PMPCB: variants seen among roughly 807,000 people sequenced by gnomAD.
PMPCB encodes peptidase, mitochondrial processing subunit beta.
Under a neutral mutation model 61.5 loss-of-function variants are expected in PMPCB, and 46 were observed. That is an observed-to-expected ratio of 0.75 (90% CI 0.59 to 0.96). The LOEUF is 0.96. PMPCB is among the 40% of genes least tolerant of loss of function. The probability of loss-of-function intolerance (pLI) is 0.00; values close to 1 mark genes in which losing one functional copy is unlikely to be tolerated. For missense variants in PMPCB, 590 were observed against 602.4 expected, an observed-to-expected ratio of 0.98 and a Z score of 0.22; for synonymous variants, 191 against 201.6, an observed-to-expected ratio of 0.95 and a Z score of 0.44.
At chr7:103,319,653 T>A, downstream of PMPCB, 1 of 1,614,032 alleles carries the variant, frequency 6.2e-7, no homozygotes, top group South Asian at 1.1e-5. Context: ...GTGCATGATG[T>A]GAGTGTTTCA....
chr7:103,312,869 A>T lies in PMPCB; in HGVS notation c.*598A>T. 3 of 1,550,600 alleles carry T rather than the reference A, an allele frequency of 1.9e-6. No individual in the cohort carries two copies. In the Admixed American group the frequency reaches 6.3e-5, roughly 32 times the overall value. ...ATAAGCACTATATTATTAACCACTT[A>T]ATAGACATAAAATATGAGCTATATC... On this transcript the variant is annotated 3_prime_UTR_variant, in exon 13 of 13. Transcript: ENST00000249269.
chr7:103,299,648 C>G, intron 3 of PMPCB, 119 bp downstream of exon 3: 1 of 579,754 alleles, frequency 1.7e-6, no homozygotes, highest in Non-Finnish European at 3.0e-6. Flanking sequence ...GTTTATTTTT[C>G]CAGGACAGTA....
At chr7:103,301,069 T>TA (rs1279481452) in intron 4 of PMPCB, among the ~76,000 whole-genome samples, 1 of 152,254 alleles carries the variant, frequency 6.6e-6, no homozygotes, top group Non-Finnish European at 1.5e-5. Flanking sequence ...CTTTCATTAA[T>TA]AATGTTTAAA....
At chr7:103,304,167 T>C in intron 5 of PMPCB, 127 bp downstream of exon 5, 2 of 774,096 alleles carry the variant, frequency 2.6e-6, no homozygotes, top group Non-Finnish European at 4.2e-6. Context: ...GAAACTGTAG[T>C]TAGCTACATT....
At chr7:103,299,673 T>C (rs1385744445) in intron 3 of PMPCB, 144 bp downstream of exon 3, 4 of 536,744 alleles carry the variant, frequency 7.5e-6, no homozygotes, top group Non-Finnish European at 1.3e-5. Flanking sequence ...AAATAAGTAG[T>C]GATAATTGCT....
chr7:103,317,187 T>G (rs1006960398), downstream of PMPCB: 1 of 596,020 alleles, frequency 1.7e-6, no homozygotes, highest in Non-Finnish European at 2.9e-6. Flanking sequence ...TGGCTTCCAG[T>G]CTGCATAGGT....
chr7:103,311,785 A>G, intron 10 of PMPCB, 23 bp from the exon 11 acceptor site: 1 of 1,602,728 alleles, frequency 6.2e-7, no homozygotes. Context: ...TCCAATAGTT[A>G]ATTTTTCCTT....
rs1335177880 is a variant in PMPCB at position 103,306,174 on chromosome 7, A to AT, written c.737-1421dup. On this transcript the variant is annotated intron_variant, in intron 6 of 12. Transcript: ENST00000249269. ...TCTTCTAGGCTAATCATCAGGATGT[A>AT]TAGCTTTTATTTGCCAAATAGTTTT... Among the ~76,000 whole-genome samples the AT allele has an allele frequency of 2.6e-5, 4 of 152,268 alleles. No individual in the cohort carries two copies. The East Asian group carries it at 7.7e-4, about 29-fold the overall frequency.
chr7:103,334,606 A>AT, the PMPCB span, among the ~76,000 whole-genome samples: 258 of 151,144 alleles, frequency 1.7e-3, no homozygotes, highest in Non-Finnish European at 3.0e-3. Context: ...TTGAAAAAAA[A>AT]TTTTTTTAAT....
chr7:103,312,621 G>C lies in PMPCB; in HGVS notation c.*350G>C. 1 of 1,613,480 alleles carries C rather than the reference G, an allele frequency of 6.2e-7. No homozygotes were observed. The highest frequency in any genetic ancestry group is 8.5e-7 in the Non-Finnish European group (1 of 1,179,782). ...CACTTGTTCTTGAGCAGCTTTCTTTGCTTTTACCATCTCGACAAGTTCCTA... is the reference window on the plus strand; with the variant it reads ...CACTTGTTCTTGAGCAGCTTTCTTTCCTTTTACCATCTCGACAAGTTCCTA... On this transcript the variant is annotated 3_prime_UTR_variant, in exon 13 of 13. Coordinates refer to ENST00000249269, the MANE Select transcript of PMPCB (RefSeq NM_004279.3).
intron 12 of PMPCB, chr7:103,324,402 AT>A: frequency 1.6e-6 from 2 of 1,248,856 alleles, no homozygotes; most frequent in Non-Finnish European, 2.1e-6. Context: ...ATCTGAATTA[AT>A]TTATAAACAA....
At chr7:103,316,311 T>G (rs1246940146), downstream of PMPCB, 1 of 364,980 alleles carries the variant, frequency 2.7e-6, no homozygotes, top group African/African-American at 2.1e-5. Flanking sequence ...AGTCCATACA[T>G]CTTACAGATT....
intron 12 of PMPCB, chr7:103,321,805 G>T (rs1481660674): frequency 9.8e-7 from 1 of 1,017,276 alleles, no homozygotes; most frequent in Non-Finnish European, 1.4e-6. Flanking sequence ...CTGAGATCGC[G>T]CCACTGCACT....
the PMPCB span, chr7:103,337,877 C>T: frequency 1.4e-5 from 16 of 1,169,814 alleles, no homozygotes; most frequent in Admixed American, 3.0e-4. Flanking sequence ...CCCTTGTGTT[C>T]TGGTACCTTA....
chr7:103,311,607 A>G (rs1446524426), intron 9 of PMPCB, 36 bp from the exon 10 acceptor site: 3 of 1,505,534 alleles, frequency 2.0e-6, no homozygotes, highest in Non-Finnish European at 2.8e-6. Flanking sequence ...GAAATACAAC[A>G]TTTTCCAACT....
chr7:103,331,303 C>A (rs144988305), downstream of PMPCB, among the ~76,000 whole-genome samples: 7 of 152,324 alleles, frequency 4.6e-5, no homozygotes, highest in African/African-American at 9.6e-5. Context: ...ACGTAATGAT[C>A]AAGTCAGGGT....
At chr7:103,299,910 C>CTATATA (rs113782725) in intron 3 of PMPCB, among the ~76,000 whole-genome samples, 119 of 150,554 alleles carry the variant, frequency 7.9e-4, no homozygotes, top group East Asian at 1.4e-3. Flanking sequence ...CTGGGAGTAT[C>CTATATA]TATATATATA....
downstream of PMPCB, chr7:103,316,468 TAAACTC>T: frequency 4.5e-6 from 1 of 221,930 alleles, no homozygotes; most frequent in East Asian, 1.0e-4. Flanking sequence ...TTCTTGCAGT[TAAACTC>T]AAGCTCCAGC....
intron 6 of PMPCB, among the ~76,000 whole-genome samples, chr7:103,304,937 C>T (rs1033542080): frequency 4.7e-5 from 7 of 149,984 alleles, no homozygotes; most frequent in African/African-American, 7.4e-5. Context: ...CCAGCGTGGG[C>T]GACAGAGTGA....
Sources: gnomAD v4.1 joint callset for allele counts (sites outside exome capture counted in the v4.1 genomes callset) on GRCh38, gnomAD v4.1.1 for gene constraint, MANE v1.5 for transcripts, NCBI Gene and HGNC (gene_info 2026-07-23, HGNC 2026-07-21) for gene names.